The following SGPL1 variants were observed in gnomAD, a reference collection of about 807,000 sequenced individuals.
SGPL1 encodes the protein sphingosine-1-phosphate lyase 1.
SGPL1 carries 37 observed loss-of-function variants against 68.9 expected under a neutral mutation model. That is an observed-to-expected ratio of 0.54 (90% CI 0.41 to 0.71). SGPL1 has a LOEUF of 0.71. Ranked by LOEUF, SGPL1 falls within the 30% of genes least tolerant of loss-of-function variation. SGPL1 has a pLI of 0.00. For missense variants in SGPL1, 551 were observed against 704.6 expected, an observed-to-expected ratio of 0.78 and a Z score of 2.47; for synonymous variants, 236 against 248.5, an observed-to-expected ratio of 0.95 and a Z score of 0.47.
intron 2 of SGPL1, among the ~76,000 whole-genome samples, chr10:70,822,674 T>G (rs1299855258): frequency 2.0e-5 from 3 of 152,196 alleles, no homozygotes; most frequent in Non-Finnish European, 4.4e-5. Flanking sequence ...AGTCATATCT[T>G]GGCATAATCC....
At position 70,879,615 on chromosome 10, in the gene SGPL1, T is replaced by C. The variant is rs534837492; in HGVS notation, c.*2280T>C. 2.0e-5 allele frequency: 3 copies of C among 152,770 alleles called. No homozygotes were observed. The highest frequency in any genetic ancestry group is 7.2e-5 in the African/African-American group (3 of 41,560). The allele number at this position is 152,770 out of a possible 1,614,324, so 9.5% of individuals were successfully genotyped here. ...TGCCAGCTGCCAAGATGGAGAAGCA[T>C]GTGCCCCTGTAGAGCGTCTCCCCAG... On this transcript the variant is annotated 3_prime_UTR_variant, in exon 15 of 15. Transcript: ENST00000373202.
chr10:70,857,282 A>T, intron 5 of SGPL1: 8 of 313,558 alleles, frequency 2.6e-5, no homozygotes, highest in South Asian at 1.9e-4. Context: ...AGCCATATAG[A>T]GAACAAAAAA....
chr10:70,832,702 T>C (rs1466338263), intron 2 of SGPL1, among the ~76,000 whole-genome samples: 1 of 152,250 alleles, frequency 6.6e-6, no homozygotes, highest in East Asian at 1.9e-4. Context: ...GTCATTTAGC[T>C]ATTTATTGTC....
At chr10:70,825,824 G>C (rs1175925216) in intron 2 of SGPL1, among the ~76,000 whole-genome samples, 5 of 152,166 alleles carry the variant, frequency 3.3e-5, no homozygotes, top group Non-Finnish European at 7.3e-5. Flanking sequence ...AATTAGGTTT[G>C]AGTGTATATA....
intron 7 of SGPL1, among the ~76,000 whole-genome samples, chr10:70,865,710 C>T (rs1471629079): frequency 1.3e-5 from 2 of 152,206 alleles, no homozygotes; most frequent in Non-Finnish European, 1.5e-5. Context: ...ATTCTTTGTT[C>T]TTCAGCCTTA....
chr10:70,877,075 A>G, intron 14 of SGPL1, 120 bp from the exon 15 acceptor site: 4 of 888,868 alleles, frequency 4.5e-6, no homozygotes, highest in Non-Finnish European at 6.9e-6. Context: ...TTAGGTGGAA[A>G]TGGGGTAGGG....
intron 3 of SGPL1, among the ~76,000 whole-genome samples, chr10:70,848,792 T>A (rs1462948592): frequency 1.3e-5 from 2 of 152,082 alleles, no homozygotes. Flanking sequence ...TGAGAACACT[T>A]AAAATCTACT....
At chr10:70,866,531 A>C (rs1162973179) in intron 7 of SGPL1, 2 of 152,198 alleles carry the variant, frequency 1.3e-5, no homozygotes, top group Non-Finnish European at 2.9e-5. Context: ...AGGAATTTGG[A>C]AATATTATTG....
At chr10:70,835,690 T>G (rs1340741635) in intron 2 of SGPL1, among the ~76,000 whole-genome samples, 6 of 143,786 alleles carry the variant, frequency 4.2e-5, no homozygotes, top group African/African-American at 1.6e-4. Flanking sequence ...GAACCAAGAT[T>G]GCACCACTGC....
intron 12 of SGPL1, among the ~76,000 whole-genome samples, chr10:70,875,131 C>T (rs1846363300): frequency 6.6e-6 from 1 of 152,150 alleles, no homozygotes; most frequent in Non-Finnish European, 1.5e-5. Flanking sequence ...GTTGGGTAGA[C>T]AGGTTCGAAG....
At position 70,871,822 on chromosome 10, in the gene SGPL1, GT is replaced by G. The variant is rs763432823; in HGVS notation, c.910-9del. 1 of 1,611,652 alleles carries G rather than the reference GT, an allele frequency of 6.2e-7. No individual in the cohort carries two copies. Among genetic ancestry groups the G allele is most frequent in the East Asian group, 2.2e-5 (1 of 44,812 alleles). ...TAAAGGAAATTCTCTTATGTTCTTT[GT>G]TTTTTGGAACAAGCTGGCTGTCAAA... On this transcript the variant is annotated splice_polypyrimidine_tract_variant and intron_variant, in intron 10 of 14. Coordinates refer to ENST00000373202, the MANE Select transcript of SGPL1 (RefSeq NM_003901.4).
chr10:70,816,750 AG>A (rs1324992422), intron 1 of SGPL1, 60 bp from the exon 2 acceptor site: 67 of 1,179,564 alleles, frequency 5.7e-5, no homozygotes, highest in Admixed American at 8.4e-5. Flanking sequence ...TGGCGAATCT[AG>A]GCGGGCTGGC....
chr10:70,857,394 A>G (rs1194650075), intron 5 of SGPL1: 1 of 463,204 alleles, frequency 2.2e-6, no homozygotes, highest in Non-Finnish European at 3.9e-6. Context: ...TGCTATTAAT[A>G]TCTTTTTCAC....
At chr10:70,817,089 G>A (rs1332473604) in intron 2 of SGPL1, among the ~76,000 whole-genome samples, 3 of 152,130 alleles carry the variant, frequency 2.0e-5, no homozygotes, top group African/African-American at 7.2e-5. Flanking sequence ...GCATGATCTC[G>A]GCTCACCGCC....
intron 3 of SGPL1, among the ~76,000 whole-genome samples, chr10:70,850,864 A>G (rs909810049): frequency 2.5e-4 from 32 of 126,036 alleles, no homozygotes; most frequent in African/African-American, 9.3e-4. Flanking sequence ...AAGGAAACTC[A>G]GGGGGGTAGC....
intron 4 of SGPL1, among the ~76,000 whole-genome samples, chr10:70,852,015 G>A (rs928205396): frequency 7.2e-5 from 11 of 152,126 alleles, no homozygotes; most frequent in Non-Finnish European, 1.0e-4. Context: ...ACCTCTGTGC[G>A]TCTCCCACAG....
intron 3 of SGPL1, among the ~76,000 whole-genome samples, chr10:70,848,235 G>T (rs1845820878): frequency 6.6e-6 from 1 of 152,090 alleles, no homozygotes; most frequent in African/African-American, 2.4e-5. Flanking sequence ...CTAGTCATGG[G>T]TAATATGAGG....
chr10:70,874,592 G>A (rs997915771), intron 12 of SGPL1, among the ~76,000 whole-genome samples: 2 of 152,014 alleles, frequency 1.3e-5, no homozygotes, highest in East Asian at 1.9e-4. Flanking sequence ...GCGTGGTGGC[G>A]CATGCCTGTA....
At chr10:70,860,962 A>C (rs1011874554) in intron 7 of SGPL1, among the ~76,000 whole-genome samples, 1 of 152,184 alleles carries the variant, frequency 6.6e-6, no homozygotes, top group East Asian at 1.9e-4. Context: ...GGCCAGTGGA[A>C]ACATCATATT....
Sources: allele counts gnomAD v4.1 joint callset (sites outside exome capture counted in the v4.1 genomes callset), GRCh38; gene constraint gnomAD v4.1.1; transcripts MANE v1.5; gene names NCBI Gene and HGNC (gene_info 2026-07-23, HGNC 2026-07-21).